The following THPO variants were observed in gnomAD, a reference collection of about 807,000 sequenced individuals.
THPO encodes the protein MPL ligand.
Under a neutral mutation model 17.0 loss-of-function variants are expected in THPO, and 12 were observed. The observed-to-expected ratio is 0.71, with a 90% CI of 0.45 to 1.14. THPO has a LOEUF of 1.14. Ranked by LOEUF, THPO falls within the 50% of genes most tolerant of loss-of-function variation. THPO has a pLI of 0.00. For missense variants in THPO, 365 were observed against 427.5 expected (o/e 0.85, Z 1.29); for synonymous variants, 188 against 183.0 (o/e 1.03, Z -0.22).
In THPO at chr3:184,372,442, C is replaced by T; in HGVS notation, c.*71G>A. On this transcript the variant is annotated 3_prime_UTR_variant, in exon 6 of 6. Coordinates refer to ENST00000647395, the MANE Select transcript of THPO (RefSeq NM_000460.4). ...AAAGTAGGAAATCTTGTCCAGTTGT[C>T]TCCCAGGGGCGCCCTGCAGGGAAGG... is the stretch of plus-strand genomic sequence containing the variant. 6.3e-7 allele frequency: 1 copy of T among 1,586,768 alleles called. No individual in the cohort carries two copies. The highest frequency in any genetic ancestry group is 8.6e-7 in the Non-Finnish European group (1 of 1,156,236).
At position 184,376,227 on chromosome 3, in the gene THPO, C is replaced by G; in HGVS notation, c.13+20G>C. 6.2e-7 allele frequency: 1 copy of G among 1,614,086 alleles called. No homozygotes were observed. Among genetic ancestry groups the G allele is most frequent in the Non-Finnish European group, 8.5e-7 (1 of 1,179,984 alleles). The stretch of plus-strand genomic sequence containing the variant: ...CTGTCATGTTTCCATATGGCCCTAG[C>G]CCCTCAGGTGTGTTCTCACCAGTCA... On this transcript the variant is annotated intron_variant, in intron 2 of 5. Coordinates refer to ENST00000647395, the MANE Select transcript of THPO (RefSeq NM_000460.4).
chr3:184,373,107 G>A lies in THPO; in HGVS notation c.468C>T (p.Leu156=). The change falls in exon 6 of 6, where the codon CTC becomes CTT. Residue 156 remains leucine (L), a synonymous_variant. Coordinates refer to ENST00000647395, the MANE Select transcript of THPO (RefSeq NM_000460.4). Reference sequence around the variant, plus strand: ...GCATCAGGAAACGCACCTTTCCTCGGAGCAGGTGTTGGAAGCTCAGGAAGA... The same window carrying A: ...GCATCAGGAAACGCACCTTTCCTCGAAGCAGGTGTTGGAAGCTCAGGAAGA... ...NAIFLSFQHL[L]RGKVRFLMLV... is the part of the protein sequence containing the mutation. The A allele has an allele frequency of 6.2e-7, 1 of 1,613,864 alleles. No homozygotes were observed. Among genetic ancestry groups the A allele is most frequent in the African/African-American group, 1.3e-5 (1 of 75,040 alleles).
At chr3:184,378,890 C>A (rs558217454), upstream of THPO, 1 of 984,904 alleles carries the variant, frequency 1.0e-6, no homozygotes, top group South Asian at 4.7e-5. Context: ...AGAGGAATAA[C>A]CAGGCCCATG....
rs771630662 is a variant in THPO, at chr3:184,372,479, G to A, written c.*34C>T. On this transcript the variant is annotated 3_prime_UTR_variant, in exon 6 of 6. Coordinates refer to ENST00000647395, the MANE Select transcript of THPO (RefSeq NM_000460.4). ...CCCTGCAGGGAAGGGAGCTGTACAC[G>A]AGACAATGCTGATGTCGGCAGTGTC... The A allele has an allele frequency of 6.2e-7, 1 of 1,612,900 alleles. No individual in the cohort carries two copies. Among genetic ancestry groups the A allele is most frequent in the Non-Finnish European group, 8.5e-7 (1 of 1,178,982 alleles).
intron 1 of THPO, among the ~76,000 whole-genome samples, chr3:184,377,537 AC>A (rs1213281778): frequency 1.3e-5 from 2 of 151,882 alleles, no homozygotes; most frequent in African/African-American, 2.4e-5. Flanking sequence ...CCTTCACAGG[AC>A]CCCCCACATG....
rs1273225808 is a variant in THPO at position 184,373,516 on chromosome 3, G to A, written c.295C>T (p.Arg99Trp). Reference protein sequence around the residue: ...TLLLEGVMAARGQLGPTCLSS... With the variant: ...TLLLEGVMAAWGQLGPTCLSS... Reference sequence around the variant, plus strand: ...AGGCAAGTGGGTCCCAGTTGTCCCCGTGCTGCCATCACTCCCTCCAGCAGA... The same window carrying A: ...AGGCAAGTGGGTCCCAGTTGTCCCCATGCTGCCATCACTCCCTCCAGCAGA... The change falls in exon 5 of 6, where the codon CGG becomes TGG. Residue 99 changes from arginine (R) to tryptophan (W), a missense_variant. By Grantham distance (101) the Arg-to-Trp change is moderately radical (BLOSUM62 -3). Transcript: ENST00000647395. 12 of 1,614,116 alleles carry A rather than the reference G, an allele frequency of 7.4e-6. No homozygotes were observed. The highest frequency in any genetic ancestry group is 2.2e-5 in the East Asian group (1 of 44,872).
Position 184,372,567 on chromosome 3 carries a change from GC to G in THPO, c.1007del (p.Ser336ThrfsTer4). On this transcript the variant is annotated frameshift_variant, in exon 6 of 6. Coordinates refer to ENST00000647395, the MANE Select transcript of THPO (RefSeq NM_000460.4). LOFTEE classifies it low-confidence loss of function (END_TRUNC). Reference sequence around the variant, plus strand: ...GGGTGTAGGATGTGTTTAGAAGAGGGCTGGTAGGGGTGGGCGTTGGAGCAGA... The same window carrying G: ...GGGTGTAGGATGTGTTTAGAAGAGGGTGGTAGGGGTGGGCGTTGGAGCAGA... The part of the protein sequence containing the change: ...DPSAPTPTPT[S>X]PLLNTSYTHS... 1 of 1,614,136 alleles carries G rather than the reference GC, an allele frequency of 6.2e-7. No individual in the cohort carries two copies.
At chr3:184,375,826 C>T in intron 3 of THPO, 62 bp downstream of exon 3, 2 of 1,610,022 alleles carry the variant, frequency 1.2e-6, no homozygotes, top group South Asian at 1.1e-5. Flanking sequence ...ATGGTGTCTT[C>T]CTGGGAGTAT....
At chr3:184,377,985 A>G (rs1163856631) in intron 1 of THPO, 90 bp downstream of exon 1, 1 of 923,558 alleles carries the variant, frequency 1.1e-6, no homozygotes, top group Non-Finnish European at 1.3e-6. Flanking sequence ...TGTAGGTTCC[A>G]GTTTGCCTGC....
Sources: gnomAD v4.1 joint callset for allele counts (sites outside exome capture counted in the v4.1 genomes callset) on GRCh38, gnomAD v4.1.1 for gene constraint, MANE v1.5 for transcripts, NCBI Gene and HGNC (gene_info 2026-07-23, HGNC 2026-07-21) for gene names.